Variants in VTI1B observed in about 807,000 individuals in gnomAD.
The protein encoded by VTI1B is vesicle transport through interaction with t-SNAREs homolog 1B.
Under a neutral mutation model 28.6 loss-of-function variants are expected in VTI1B, and 18 were observed. The ratio of observed to expected loss-of-function variants is 0.63; its 90% CI spans 0.43 to 0.93. VTI1B has a LOEUF of 0.93. Among genes scored for constraint, VTI1B ranks in the 40% least tolerant of loss-of-function variants. The pLI is 0.00. For missense variants in VTI1B, 283 were observed against 297.0 expected (o/e 0.95, Z 0.35); for synonymous variants, 100 against 107.9 (o/e 0.93, Z 0.46).
At position 67,656,525 on chromosome 14, in the gene VTI1B, T is replaced by C. The variant is rs1248301157; in HGVS notation, c.431A>G (p.Gln144Arg). 6 of 1,613,872 alleles carry C rather than the reference T, an allele frequency of 3.7e-6. No homozygotes were observed. In the East Asian group the frequency reaches 1.3e-4, roughly 36 times the overall value. Residue 144 changes from glutamine to arginine, a missense_variant, in exon 4 of 6, where the codon CAA (glutamine) becomes CGA (arginine). Physicochemically the swap from Gln to Arg is conservative, Grantham distance 43. Coordinates refer to ENST00000554659, the MANE Select transcript of VTI1B (RefSeq NM_006370.3). Reference sequence around the variant, plus strand: ...AATCCGATGAGAACGTTCAATACTTTGGGTGGCCCGGTTCAGGCTTTCAGT... The same window carrying C: ...AATCCGATGAGAACGTTCAATACTTCGGGTGGCCCGGTTCAGGCTTTCAGT... ...QGTESLNRATQSIERSHRIAT... is the reference protein window; with the variant it reads ...QGTESLNRATRSIERSHRIAT...
In VTI1B at chr14:67,650,510, T is replaced by TTAATC. The variant is rs1224620142; in HGVS notation, c.*870_*874dup. On this transcript the variant is annotated 3_prime_UTR_variant, in exon 6 of 6. Transcript: ENST00000554659. Reference sequence around the variant, plus strand: ...ATTTCATTATCTTAAAAGGTTTCTTTTAATCTACTATAGCACAACAGTGTT... The same window carrying TTAATC: ...ATTTCATTATCTTAAAAGGTTTCTTTTAATCTAATCTACTATAGCACAACAGTGTT... The TTAATC allele has an allele frequency of 6.8e-6, 4 of 585,452 alleles. No homozygotes were observed. The African/African-American group carries it at 7.5e-5, about 11-fold the overall frequency. The allele number at this position is 585,452 out of a possible 1,614,324, so 36.3% of individuals were successfully genotyped here. A position where few individuals can be genotyped will look rare whatever the true frequency, so the allele number is the denominator to read the frequency against.
rs911034632 is a variant in VTI1B at position 67,647,759 on chromosome 14, T to C, written c.*3626A>G. On this transcript the variant is annotated 3_prime_UTR_variant, in exon 6 of 6. Transcript: ENST00000554659. Reference sequence around the variant, plus strand: ...ATCTCTCTATTGACAGTTATTAGTATAAGAGGTTCTAATACCCAGTGTAAG... The same window carrying C: ...ATCTCTCTATTGACAGTTATTAGTACAAGAGGTTCTAATACCCAGTGTAAG... 4 of 320,780 alleles carry C rather than the reference T, an allele frequency of 1.2e-5. No homozygotes were observed. Among genetic ancestry groups the C allele is most frequent in the Non-Finnish European group, 1.7e-5 (3 of 173,890 alleles). The allele number at this position is 320,780 out of a possible 1,614,324, so 19.9% of individuals were successfully genotyped here.
intron 1 of VTI1B, among the ~76,000 whole-genome samples, chr14:67,668,015 T>G (rs768725622): frequency 6.6e-6 from 1 of 152,162 alleles, no homozygotes. Flanking sequence ...CTGTAAGTAA[T>G]TGGTGTTTAT....
intron 1 of VTI1B, among the ~76,000 whole-genome samples, chr14:67,669,648 T>C (rs2037442827): frequency 6.6e-6 from 1 of 152,178 alleles, no homozygotes; most frequent in African/African-American, 2.4e-5. Context: ...ACAGGTACCT[T>C]TGATATTCTC....
intron 1 of VTI1B, among the ~76,000 whole-genome samples, chr14:67,668,126 A>G (rs1350167817): frequency 6.6e-6 from 1 of 152,160 alleles, no homozygotes; most frequent in Non-Finnish European, 1.5e-5. Context: ...TTAAAATGGA[A>G]AACTTTCAAT....
chr14:67,662,031 C>G (rs545991891), intron 2 of VTI1B, among the ~76,000 whole-genome samples: 1 of 152,182 alleles, frequency 6.6e-6, no homozygotes, highest in East Asian at 1.9e-4. Flanking sequence ...TGGCGCCCAC[C>G]TGTATTCCCA....
intron 1 of VTI1B, among the ~76,000 whole-genome samples, chr14:67,672,452 T>C (rs1386557114): frequency 9.6e-5 from 14 of 145,228 alleles, no homozygotes; most frequent in Middle Eastern, 7.3e-3. Flanking sequence ...CTTTTCTTTT[T>C]TTTTTTTTTT....
At chr14:67,653,618 C>A in intron 4 of VTI1B, 120 bp from the exon 5 acceptor site, 1 of 846,004 alleles carries the variant, frequency 1.2e-6, no homozygotes, top group South Asian at 1.8e-5. Context: ...AGAAATCAAG[C>A]CAATTTAAAT....
intron 3 of VTI1B, among the ~76,000 whole-genome samples, chr14:67,656,906 G>C (rs1490184218): frequency 6.6e-6 from 1 of 152,148 alleles, no homozygotes; most frequent in Non-Finnish European, 1.5e-5. Flanking sequence ...TGTGCCTCCT[G>C]GACTATCAAC....
At chr14:67,659,978 A>G (rs564842107) in intron 2 of VTI1B, 56 bp from the exon 3 acceptor site, 22 of 1,538,822 alleles carry the variant, frequency 1.4e-5, no homozygotes, top group Non-Finnish European at 1.9e-5. Context: ...ACTCATTTGG[A>G]AATATGCCTA....
intron 1 of VTI1B, among the ~76,000 whole-genome samples, chr14:67,663,782 T>C (rs936579671): frequency 3.3e-5 from 5 of 152,186 alleles, no homozygotes; most frequent in South Asian, 4.1e-4. Context: ...TAAACATTTG[T>C]ATGGGGGAAA....
rs1335027137 is a variant in VTI1B, at chr14:67,649,066, A to T, written c.*2319T>A. Reference sequence around the variant, plus strand: ...CTAATTCTCAGATCTGCAATCTTAGATGTTGCCAGTGGTCCTTAGGTTATT... The same window carrying T: ...CTAATTCTCAGATCTGCAATCTTAGTTGTTGCCAGTGGTCCTTAGGTTATT... On this transcript the variant is annotated 3_prime_UTR_variant, in exon 6 of 6. Coordinates refer to ENST00000554659, the MANE Select transcript of VTI1B (RefSeq NM_006370.3). 1.3e-5 allele frequency: 2 copies of T among 152,178 alleles called. No homozygotes were observed. Among genetic ancestry groups the T allele is most frequent in the Admixed American group, 1.3e-4 (2 of 15,274 alleles). The allele number at this position is 152,178 out of a possible 1,614,324, so 9.4% of individuals were successfully genotyped here.
intron 2 of VTI1B, 24 bp from the exon 3 acceptor site, chr14:67,659,946 C>T: frequency 1.2e-6 from 2 of 1,603,246 alleles, no homozygotes; most frequent in Admixed American, 1.7e-5. Context: ...AAGTAGTGAG[C>T]AGATAGCCTG....
rs2037145432 is a variant in VTI1B at position 67,649,524 on chromosome 14, A to G, written c.*1861T>C. On this transcript the variant is annotated 3_prime_UTR_variant, in exon 6 of 6. Coordinates refer to ENST00000554659, the MANE Select transcript of VTI1B (RefSeq NM_006370.3). The stretch of plus-strand genomic sequence containing the variant: ...AAACATAAGTCATGTATATATTTCT[A>G]ATAGTGCAAACTTTGATGACCACTT... 1 of 152,152 alleles carries G rather than the reference A, an allele frequency of 6.6e-6. No individual in the cohort carries two copies. The allele number at this position is 152,152 out of a possible 1,614,324, so 9.4% of individuals were successfully genotyped here. A position where few individuals can be genotyped will look rare whatever the true frequency, so the allele number is the denominator to read the frequency against.
In VTI1B at chr14:67,651,467, T is replaced by C; in HGVS notation, c.617A>G (p.Lys206Arg). The C allele has an allele frequency of 1.2e-6, 2 of 1,613,848 alleles. No homozygotes were observed. The highest frequency in any genetic ancestry group is 1.7e-6 in the Non-Finnish European group (2 of 1,179,764). The change falls in exon 6 of 6, where the codon AAG becomes AGG. Residue 206 changes from lysine to arginine, a missense_variant. Coordinates refer to ENST00000554659, the MANE Select transcript of VTI1B (RefSeq NM_006370.3). The part of the protein sequence containing the change: ...RSMSRKVTTN[K>R]LLLSIIILLE... ...TAAGATGATAATGGAAAGCAGCAGC[T>C]TGTTGGTTGTCACTCTACAAAGAGA... is the stretch of plus-strand genomic sequence containing the variant.
At position 67,649,321 on chromosome 14, in the gene VTI1B, A is replaced by C. The variant is rs1438023942; in HGVS notation, c.*2064T>G. 1.3e-5 allele frequency: 2 copies of C among 152,266 alleles called. No individual in the cohort carries two copies. The highest frequency in any genetic ancestry group is 3.9e-4 in the East Asian group (2 of 5,182). 9.4% of individuals were successfully genotyped at this position (152,266 alleles called of 1,614,324 possible). ...AGGATTACTTGACCCCAGGGGTTCAAGACCAGCGTGGGCAACATAGTGTGA... is the reference window on the plus strand; with the variant it reads ...AGGATTACTTGACCCCAGGGGTTCACGACCAGCGTGGGCAACATAGTGTGA... On this transcript the variant is annotated 3_prime_UTR_variant, in exon 6 of 6. Transcript: ENST00000554659.
chr14:67,653,354 G>A, intron 5 of VTI1B, 83 bp downstream of exon 5: 2 of 1,220,124 alleles, frequency 1.6e-6, no homozygotes, highest in Non-Finnish European at 2.4e-6. Context: ...TGCTTTATGA[G>A]GACCTTTGTA....
intron 1 of VTI1B, among the ~76,000 whole-genome samples, chr14:67,664,989 C>G (rs2037382750): frequency 1.3e-5 from 2 of 152,180 alleles, no homozygotes; most frequent in African/African-American, 4.8e-5. Context: ...GCCTCAGCCT[C>G]CTGAGTGGTG....
rs2037168501 is a variant in VTI1B, at chr14:67,651,053, TAA to T, written c.*330_*331del. 2.7e-6 allele frequency: 3 copies of T among 1,101,536 alleles called. No individual in the cohort carries two copies. Among genetic ancestry groups the T allele is most frequent in the Non-Finnish European group, 3.9e-6 (3 of 770,034 alleles). The allele number at this position is 1,101,536 out of a possible 1,614,324, so 68.2% of individuals were successfully genotyped here. ...GAACATTTACACATTCTCACAATTG[TAA>T]AGTTTCCCCTCTATTTTGGTGACCA... is the stretch of plus-strand genomic sequence containing the variant. On this transcript the variant is annotated 3_prime_UTR_variant, in exon 6 of 6. Transcript: ENST00000554659.
Sources: gnomAD v4.1 joint callset for allele counts (sites outside exome capture counted in the v4.1 genomes callset) on GRCh38, gnomAD v4.1.1 for gene constraint, MANE v1.5 for transcripts, NCBI Gene and HGNC (gene_info 2026-07-23, HGNC 2026-07-21) for gene names.